The following MED21 variants were observed in gnomAD, a reference collection of about 807,000 sequenced individuals.
MED21 encodes the protein mediator complex subunit 21, also known as mediator of RNA polymerase II transcription subunit 21.
In MED21, 9 loss-of-function variants were observed where a neutral mutation model predicts 18.2. The ratio of observed to expected loss-of-function variants is 0.49; its 90% CI spans 0.30 to 0.86. The LOEUF (loss-of-function observed/expected upper bound fraction) is 0.86. Ranked by LOEUF, MED21 falls within the 40% of genes least tolerant of loss-of-function variation. The pLI, the probability that MED21 is intolerant of heterozygous loss-of-function variation, is 0.07. For synonymous variants in MED21, 73 were observed against 60.5 expected, an observed-to-expected ratio of 1.21 and a Z score of -0.96; for missense variants, 150 against 170.9, an observed-to-expected ratio of 0.88 and a Z score of 0.68.
downstream of MED21, among the ~76,000 whole-genome samples, chr12:27,034,683 T>G (rs1941638816): frequency 6.6e-6 from 1 of 152,180 alleles, no homozygotes; most frequent in Non-Finnish European, 1.5e-5. Flanking sequence ...TCAACCGATC[T>G]GCCCATTTCG....
chr12:27,034,700 C>G (rs1941638924), downstream of MED21, among the ~76,000 whole-genome samples: 1 of 152,190 alleles, frequency 6.6e-6, no homozygotes, highest in South Asian at 2.1e-4. Flanking sequence ...TTCGACCTCC[C>G]AAAGTGCTGG....
downstream of MED21, among the ~76,000 whole-genome samples, chr12:27,033,060 C>CT (rs1941630170): frequency 6.6e-6 from 1 of 152,170 alleles, no homozygotes; most frequent in Non-Finnish European, 1.5e-5. Context: ...TCTATCTGAT[C>CT]TTTGAGATGC....
chr12:27,033,789 A>C (rs551417642), downstream of MED21, among the ~76,000 whole-genome samples: 5 of 152,360 alleles, frequency 3.3e-5, no homozygotes, highest in Middle Eastern at 0.014. Context: ...TTAGAGCATA[A>C]TTCAGAATGT....
downstream of MED21, among the ~76,000 whole-genome samples, chr12:27,031,198 C>T (rs1032365991): frequency 1.3e-5 from 2 of 152,182 alleles, no homozygotes; most frequent in African/African-American, 4.8e-5. Context: ...TGAGCCACTG[C>T]ACCCGGCCAG....
At chr12:27,027,907 A>G (rs1941566010) in intron 3 of MED21, among the ~76,000 whole-genome samples, 1 of 152,156 alleles carries the variant, frequency 6.6e-6, no homozygotes, top group South Asian at 2.1e-4. Context: ...TTTGGAGGGG[A>G]TGCATTCAAA....
chr12:27,028,632 T>C lies in MED21; in HGVS notation c.*171T>C, dbSNP rs1376958911. Reference sequence around the variant, plus strand: ...TCTATTTTCACTCTTGATAAGCTTATAAAATCATGATTGAATCAGCTTTAA... The same window carrying C: ...TCTATTTTCACTCTTGATAAGCTTACAAAATCATGATTGAATCAGCTTTAA... On this transcript the variant is annotated 3_prime_UTR_variant, in exon 4 of 4. Transcript: ENST00000282892. 2.3e-6 allele frequency: 3 copies of C among 1,284,080 alleles called. No homozygotes were observed. The highest frequency in any genetic ancestry group is 1.5e-5 in the African/African-American group (1 of 67,394). The allele number at this position is 1,284,080 out of a possible 1,614,324, so 79.5% of individuals were successfully genotyped here.
At chr12:27,037,177 T>G (rs1252540860) in intron 2 of MED21, 1 of 150,710 alleles carries the variant, frequency 6.6e-6, no homozygotes, top group Non-Finnish European at 1.5e-5. Context: ...GTTGGATTCC[T>G]AAGTATTTTA....
At chr12:27,027,169 C>T (rs556690849) in intron 2 of MED21, among the ~76,000 whole-genome samples, 178 bp from the exon 3 acceptor site, 6 of 152,294 alleles carry the variant, frequency 3.9e-5, no homozygotes, top group South Asian at 2.1e-4. Context: ...CCTCGTGATC[C>T]GCCTGCCTTG....
downstream of MED21, among the ~76,000 whole-genome samples, chr12:27,035,582 T>TC: frequency 1.2e-5 from 1 of 86,594 alleles, no homozygotes; most frequent in Non-Finnish European, 2.2e-5. Context: ...ATGCTATCCC[T>TC]CCCCCCTCCC....
chr12:27,024,452 A>T (rs1941517598), intron 1 of MED21, among the ~76,000 whole-genome samples: 1 of 152,172 alleles, frequency 6.6e-6, no homozygotes, highest in South Asian at 2.1e-4. Flanking sequence ...TAAGTGTTGA[A>T]TTCACCAAGA....
At chr12:27,026,182 AG>A (rs1353001084) in intron 1 of MED21, among the ~76,000 whole-genome samples, 1 of 152,246 alleles carries the variant, frequency 6.6e-6, no homozygotes, top group African/African-American at 2.4e-5. Flanking sequence ...TGTTTCAACT[AG>A]ATTTATATCA....
chr12:27,036,607 A>T (rs1941651511), intron 2 of MED21, among the ~76,000 whole-genome samples: 1 of 152,142 alleles, frequency 6.6e-6, no homozygotes, highest in Admixed American at 6.5e-5. Flanking sequence ...TCTTGAATTA[A>T]TTTTTGTATA....
At chr12:27,031,508 A>G (rs1051796522), downstream of MED21, among the ~76,000 whole-genome samples, 5 of 152,216 alleles carry the variant, frequency 3.3e-5, no homozygotes, top group African/African-American at 9.6e-5. Context: ...TAACAAACCA[A>G]GTGACTACAA....
At chr12:27,030,703 A>T (rs1941610139), downstream of MED21, 1 of 152,298 alleles carries the variant, frequency 6.6e-6, no homozygotes, top group South Asian at 2.1e-4. Context: ...ATATGTTAAG[A>T]AAAGTTTAAT....
In MED21 at chr12:27,029,683, T is replaced by G. The variant is rs1362525817; in HGVS notation, c.*1222T>G. Reference sequence around the variant, plus strand: ...AAAGTTGCAGCAATTTATTGGCTAGTCATAGAAAATTTTTGAACTTTTAAC... The same window carrying G: ...AAAGTTGCAGCAATTTATTGGCTAGGCATAGAAAATTTTTGAACTTTTAAC... On this transcript the variant is annotated 3_prime_UTR_variant, in exon 4 of 4. Coordinates refer to ENST00000282892, the MANE Select transcript of MED21 (RefSeq NM_004264.5). 1 of 985,330 alleles carries G rather than the reference T, an allele frequency of 1.0e-6. No homozygotes were observed. Among genetic ancestry groups the G allele is most frequent in the African/African-American group, 1.7e-5 (1 of 57,240 alleles). 61.0% of individuals were successfully genotyped at this position (985,330 alleles called of 1,614,324 possible). A position where few individuals can be genotyped will look rare whatever the true frequency, so the allele number is the denominator to read the frequency against.
downstream of MED21, among the ~76,000 whole-genome samples, chr12:27,031,251 CT>C: frequency 6.6e-6 from 1 of 152,304 alleles, no homozygotes; most frequent in Non-Finnish European, 1.5e-5. Flanking sequence ...CATTCCTGAC[CT>C]GTGATATTGG....
intron 3 of MED21, 105 bp downstream of exon 3, chr12:27,027,552 A>C: frequency 1.3e-6 from 1 of 741,796 alleles, no homozygotes; most frequent in East Asian, 2.6e-5. Context: ...TGCTATAACA[A>C]CATACCTGAG....
chr12:27,037,196 G>C (rs577378723), intron 2 of MED21: 4 of 150,868 alleles, frequency 2.7e-5, no homozygotes, highest in South Asian at 2.1e-4. Flanking sequence ...TATTCTCTTT[G>C]AAGCAATTGT....
chr12:27,031,056 C>T (rs976412845), downstream of MED21, among the ~76,000 whole-genome samples: 5 of 152,034 alleles, frequency 3.3e-5, no homozygotes, highest in Non-Finnish European at 5.9e-5. Flanking sequence ...TACAGGCAGG[C>T]ACCACCATGC....
Sources: allele counts gnomAD v4.1 joint callset (sites outside exome capture counted in the v4.1 genomes callset), GRCh38; gene constraint gnomAD v4.1.1; transcripts MANE v1.5; gene names NCBI Gene and HGNC (gene_info 2026-07-23, HGNC 2026-07-21).